RGS6: variants seen among roughly 807,000 people sequenced by gnomAD.
RGS6 encodes the protein regulator of G-protein signaling 6.
Under a neutral mutation model 78.5 loss-of-function variants are expected in RGS6, and 30 were observed. The observed-to-expected ratio is 0.38, with a 90% CI of 0.29 to 0.52. The LOEUF (loss-of-function observed/expected upper bound fraction) is 0.52. Among genes scored for constraint, RGS6 ranks in the 20% least tolerant of loss-of-function variants. The pLI, the probability that RGS6 is intolerant of heterozygous loss-of-function variation, is 0.85. For synonymous variants in RGS6, 206 were observed against 206.0 expected (o/e 1.00, Z 0.00); for missense variants, 495 against 609.7 (o/e 0.81, Z 1.98).
intron 2 of RGS6, among the ~76,000 whole-genome samples, chr14:71,990,173 G>A (rs1301717970): frequency 6.6e-6 from 1 of 151,340 alleles, no homozygotes; most frequent in Non-Finnish European, 1.5e-5. Flanking sequence ...AGCCCAGCAC[G>A]AAGTCATTCA....
At chr14:72,043,142 G>A (rs1028455460) in intron 2 of RGS6, among the ~76,000 whole-genome samples, 1 of 151,766 alleles carries the variant, frequency 6.6e-6, no homozygotes, top group Non-Finnish European at 1.5e-5. Context: ...ATTTATTAAG[G>A]GTGTTAATAC....
intron 8 of RGS6, among the ~76,000 whole-genome samples, chr14:72,472,190 GAA>G (rs2096099136): frequency 6.9e-6 from 1 of 145,196 alleles, no homozygotes; most frequent in Non-Finnish European, 1.5e-5. Flanking sequence ...AAAAAAGAAA[GAA>G]AAAGAAAAAA....
At chr14:72,457,149 T>TATTC (rs2095654157) in intron 4 of RGS6, among the ~76,000 whole-genome samples, 1 of 150,404 alleles carries the variant, frequency 6.6e-6, no homozygotes, top group Admixed American at 6.6e-5. Context: ...AATAAAACTC[T>TATTC]ATTCATTCCA....
the RGS6 span, among the ~76,000 whole-genome samples, chr14:72,605,999 T>C: frequency 1.3e-5 from 2 of 152,088 alleles, no homozygotes; most frequent in Non-Finnish European, 2.9e-5. Flanking sequence ...AAGTTGGGGC[T>C]CAAGGCTCAA....
chr14:72,490,452 C>A (rs992051089), intron 12 of RGS6, among the ~76,000 whole-genome samples: 1 of 152,144 alleles, frequency 6.6e-6, no homozygotes, highest in African/African-American at 2.4e-5. Flanking sequence ...AAGCCTGGCC[C>A]CAGGGAAGAT....
chr14:72,387,880 C>T (rs1184867921), intron 3 of RGS6, among the ~76,000 whole-genome samples: 2 of 152,178 alleles, frequency 1.3e-5, no homozygotes, highest in Non-Finnish European at 2.9e-5. Context: ...GACTTCTCTC[C>T]TTGGCTTGTA....
chr14:72,437,361 A>G (rs2094975530), intron 3 of RGS6, among the ~76,000 whole-genome samples: 1 of 142,310 alleles, frequency 7.0e-6, no homozygotes, highest in Non-Finnish European at 1.5e-5. Context: ...AAAAAAAAAA[A>G]AGGAAAAAAA....
chr14:72,558,189 G>A (rs995105069), intron 17 of RGS6, among the ~76,000 whole-genome samples: 1 of 152,010 alleles, frequency 6.6e-6, no homozygotes, highest in Non-Finnish European at 1.5e-5. Context: ...CCCCATAATA[G>A]CCTGGATTTT....
At chr14:72,045,742 G>T (rs979464355) in intron 2 of RGS6, among the ~76,000 whole-genome samples, 2 of 151,804 alleles carry the variant, frequency 1.3e-5, no homozygotes, top group Admixed American at 1.3e-4. Flanking sequence ...AGATAGGAAG[G>T]CTAGAGGGGG....
intron 3 of RGS6, among the ~76,000 whole-genome samples, chr14:72,430,188 A>G (rs2094570878): frequency 6.6e-6 from 1 of 152,198 alleles, no homozygotes; most frequent in Non-Finnish European, 1.5e-5. Context: ...GGATCCATAT[A>G]TGCAGACAGC....
At chr14:72,245,359 T>C (rs1394758083) in intron 2 of RGS6, among the ~76,000 whole-genome samples, 7 of 152,222 alleles carry the variant, frequency 4.6e-5, no homozygotes, top group Admixed American at 3.9e-4. Flanking sequence ...CCTTCAGAGC[T>C]GAGAGCCCCA....
At chr14:72,295,446 G>T (rs953176419) in intron 2 of RGS6, among the ~76,000 whole-genome samples, 2 of 152,168 alleles carry the variant, frequency 1.3e-5, no homozygotes, top group African/African-American at 4.8e-5. Context: ...CTGGCCCAGA[G>T]AGAGCTGCTG....
At chr14:72,227,880 G>A (rs1182100155) in intron 2 of RGS6, among the ~76,000 whole-genome samples, 1 of 152,148 alleles carries the variant, frequency 6.6e-6, no homozygotes, top group Non-Finnish European at 1.5e-5. Flanking sequence ...CTTGACTGGG[G>A]AGGGGGGAAG....
intron 6 of RGS6, among the ~76,000 whole-genome samples, 156 bp from the exon 7 acceptor site, chr14:72,465,602 T>TGGATGGATGGG (rs1566914149): frequency 1.0e-5 from 1 of 99,398 alleles, no homozygotes; most frequent in African/African-American, 3.9e-5. Flanking sequence ...GGATGGATGG[T>TGGATGGATGGG]TGGGTGGATG....
intron 2 of RGS6, among the ~76,000 whole-genome samples, chr14:72,009,809 C>A (rs773733544): frequency 6.6e-6 from 1 of 152,230 alleles, no homozygotes; most frequent in Non-Finnish European, 1.5e-5. Context: ...CTCTTCCCAG[C>A]ATTTAGTTTA....
chr14:71,875,856 A>G, the RGS6 span, among the ~76,000 whole-genome samples: 5 of 152,090 alleles, frequency 3.3e-5, no homozygotes, highest in Non-Finnish European at 4.4e-5. Flanking sequence ...CTTTGTTCTC[A>G]TTGGTTTCAA....
intron 2 of RGS6, among the ~76,000 whole-genome samples, chr14:72,131,970 A>G (rs1239848965): frequency 6.6e-6 from 1 of 152,086 alleles, no homozygotes; most frequent in Non-Finnish European, 1.5e-5. Context: ...TTCATGAACT[A>G]CTCCAGAGGC....
intron 17 of RGS6, among the ~76,000 whole-genome samples, chr14:72,550,950 C>G (rs1468996388): frequency 1.3e-5 from 2 of 152,136 alleles, no homozygotes; most frequent in Admixed American, 1.3e-4. Context: ...AGCGATTCTC[C>G]TGCCTCAGCC....
At chr14:72,314,248 G>T (rs544339001) in intron 2 of RGS6, among the ~76,000 whole-genome samples, 95 of 152,262 alleles carry the variant, frequency 6.2e-4, no homozygotes, top group African/African-American at 2.2e-3. Flanking sequence ...CCGCCTCAGG[G>T]GTTAGACAGC....
Sources: allele counts gnomAD v4.1 joint callset (sites outside exome capture counted in the v4.1 genomes callset), GRCh38; gene constraint gnomAD v4.1.1; transcripts MANE v1.5; gene names NCBI Gene and HGNC (gene_info 2026-07-23, HGNC 2026-07-21).